EPB41L2: variants seen among roughly 807,000 people sequenced by gnomAD.
EPB41L2 encodes band 4.1-like protein 2.
A neutral mutation model predicts 113.0 loss-of-function variants in EPB41L2; 43 were observed. That is an observed-to-expected ratio of 0.38 (90% CI 0.30 to 0.49). EPB41L2 has a LOEUF of 0.49. Among genes scored for constraint, EPB41L2 ranks in the 20% least tolerant of loss-of-function variants. EPB41L2 has a pLI of 0.95. For synonymous variants in EPB41L2, 442 were observed against 436.7 expected, an observed-to-expected ratio of 1.01 and a Z score of -0.15; for missense variants, 1,147 against 1,223.4, an observed-to-expected ratio of 0.94 and a Z score of 0.93.
chr6:131,003,871 T>C lies in EPB41L2; in HGVS notation c.-14-47372A>G, dbSNP rs376352351. Among the ~76,000 whole-genome samples the C allele has an allele frequency of 1.5e-4, 23 of 152,350 alleles. No individual in the cohort carries two copies. The East Asian group carries it at 3.3e-3, about 22-fold the overall frequency. On this transcript the variant is annotated intron_variant, in intron 1 of 19. Transcript: ENST00000337057. The stretch of plus-strand genomic sequence containing the variant: ...GTGGAGGTGATGTCATTACCAGCCA[T>C]GGGTCTGAACTGTCCCTGGAATGCA...
rs757701431 is a variant in EPB41L2, at chr6:130,856,280, A to G, written c.*5+1851T>C. Among the ~76,000 whole-genome samples, 45 of 152,364 alleles carry G rather than the reference A, an allele frequency of 3.0e-4. 1 individual carries two copies. Among genetic ancestry groups the G allele is most frequent in the Admixed American group, 5.2e-4 (8 of 15,304 alleles). On this transcript the variant is annotated intron_variant, in intron 19 of 19. Transcript: ENST00000337057. ...CCTATTCAACTATTTTAATAATGAA[A>G]GACAAACCACAAGCCTGAAGATATT... is the stretch of plus-strand genomic sequence containing the variant.
At chr6:130,978,211 T>G (rs1219577529) in intron 1 of EPB41L2, among the ~76,000 whole-genome samples, 3 of 152,228 alleles carry the variant, frequency 2.0e-5, no homozygotes, top group Admixed American at 1.3e-4. Flanking sequence ...TTGTATAAAG[T>G]TGAATGCTGC....
chr6:130,923,768 G>T (rs17059825), intron 4 of EPB41L2, among the ~76,000 whole-genome samples: 1 of 152,190 alleles, frequency 6.6e-6, no homozygotes, highest in Non-Finnish European at 1.5e-5. Context: ...CACCGTTTAC[G>T]GTTAGAGCCT....
chr6:130,901,036 G>A lies in EPB41L2; in HGVS notation c.1074C>T (p.Leu358=), dbSNP rs752855779. 6.2e-7 allele frequency: 1 copy of A among 1,614,130 alleles called. No individual in the cohort carries two copies. The highest frequency in any genetic ancestry group is 8.5e-7 in the Non-Finnish European group (1 of 1,180,014). ...YDPEEHGSID[L]SEFQFAPTQT... ...GAGTAGGGGCAAACTGGAATTCACT[G>A]AGGTCGATGCTGCCATGTTCTTCTG... is the stretch of plus-strand genomic sequence containing the variant. The change falls in exon 7 of 20, where the codon CTC becomes CTT. Residue 358 remains leucine, a synonymous_variant. Coordinates refer to ENST00000337057, the MANE Select transcript of EPB41L2 (RefSeq NM_001431.4).
At chr6:130,944,104 C>T (rs1811848677) in intron 3 of EPB41L2, among the ~76,000 whole-genome samples, 1 of 149,948 alleles carries the variant, frequency 6.7e-6, no homozygotes, top group African/African-American at 2.5e-5. Context: ...AAAAGCAGGG[C>T]AATAATGGAC....
intron 1 of EPB41L2, among the ~76,000 whole-genome samples, chr6:131,006,480 G>A (rs1307839899): frequency 6.6e-6 from 1 of 151,544 alleles, no homozygotes; most frequent in Non-Finnish European, 1.5e-5. Flanking sequence ...TAGTCAACAC[G>A]ACAAAACCCC....
At chr6:130,858,342 A>C in intron 18 of EPB41L2, 99 bp from the exon 19 acceptor site, 18 of 825,250 alleles carry the variant, frequency 2.2e-5, no homozygotes, top group Non-Finnish European at 3.2e-5. Context: ...ACCCAACCTC[A>C]AGCCAAGAGG....
intron 3 of EPB41L2, among the ~76,000 whole-genome samples, chr6:130,931,224 AAATT>A (rs916211659): frequency 6.6e-6 from 1 of 152,186 alleles, no homozygotes; most frequent in African/African-American, 2.4e-5. Context: ...AAAATTAATA[AAATT>A]TATTAATCTA....
chr6:130,968,421 T>A (rs1584080626), intron 1 of EPB41L2, among the ~76,000 whole-genome samples: 1 of 152,200 alleles, frequency 6.6e-6, no homozygotes. Flanking sequence ...CATAAAAAAA[T>A]ATAATTCACT....
chr6:131,003,405 C>T (rs1429673049), intron 1 of EPB41L2, among the ~76,000 whole-genome samples: 1 of 152,166 alleles, frequency 6.6e-6, no homozygotes, highest in Non-Finnish European at 1.5e-5. Flanking sequence ...AGATCCAATC[C>T]TTTGAATCCA....
chr6:131,022,403 T>C lies in EPB41L2; in HGVS notation c.-15+40752A>G, dbSNP rs374634962. 9.4e-4 allele frequency among the ~76,000 whole-genome samples: 143 copies of C among 152,320 alleles called. 3 individuals carry two copies. In the Middle Eastern group the frequency reaches 0.02, roughly 22 times the overall value. ...CTCCTAGTTATCTATAGGAGCTATC[T>C]ATCTCCTATATATAGATAACCCTCC... On this transcript the variant is annotated intron_variant, in intron 1 of 19. Transcript: ENST00000337057.
At chr6:130,946,276 C>A (rs913585575) in intron 3 of EPB41L2, among the ~76,000 whole-genome samples, 1 of 151,902 alleles carries the variant, frequency 6.6e-6, no homozygotes, top group Admixed American at 6.6e-5. Flanking sequence ...TTACATAAGC[C>A]AAAAATAACA....
chr6:130,840,497 G>A lies in EPB41L2; in HGVS notation c.*107C>T, dbSNP rs1775118451. 6.6e-6 allele frequency: 1 copy of A among 151,598 alleles called. No individual in the cohort carries two copies. The highest frequency in any genetic ancestry group is 6.6e-5 in the Admixed American group (1 of 15,180). The allele number at this position is 151,598 out of a possible 1,614,324, so 9.4% of individuals were successfully genotyped here. ...AGGCTTCTGGTCATTGTTACCAGTT[G>A]TAGCATAAATTCGCTGGAATAGTGG... On this transcript the variant is annotated 3_prime_UTR_variant, in exon 20 of 20. Transcript: ENST00000337057.
intron 1 of EPB41L2, among the ~76,000 whole-genome samples, chr6:131,052,096 C>T (rs1476284966): frequency 6.6e-6 from 1 of 152,042 alleles, no homozygotes; most frequent in East Asian, 1.9e-4. Flanking sequence ...ACCACCACAC[C>T]CAGCTGATTT....
chr6:131,053,434 T>TA (rs71030727), intron 1 of EPB41L2, among the ~76,000 whole-genome samples: 6,977 of 88,766 alleles, frequency 0.079, 358 homozygotes, highest in African/African-American at 0.16. Context: ...ATGGAAATGA[T>TA]AAAAAAAAAA....
rs2128462201 is a variant in EPB41L2, at chr6:130,878,223, G to A, written c.1924C>T (p.Leu642=). 6.2e-7 allele frequency: 1 copy of A among 1,612,766 alleles called. No individual in the cohort carries two copies. Among genetic ancestry groups the A allele is most frequent in the Non-Finnish European group, 8.5e-7 (1 of 1,179,548 alleles). Residue 642 remains leucine (L), a synonymous_variant, in exon 14 of 20, where the codon CTG becomes TTG. Transcript: ENST00000337057. ...TCACTAATGCTAGCCTGATGTTTCAGTATGTCCTCCTGGGCCTTATCCAGT... is the reference window on the plus strand; with the variant it reads ...TCACTAATGCTAGCCTGATGTTTCAATATGTCCTCCTGGGCCTTATCCAGT... The part of the protein sequence containing the change: ...EELDKAQEDI[L]KHQASISELK...
At chr6:130,962,821 C>T (rs576125554) in intron 1 of EPB41L2, among the ~76,000 whole-genome samples, 1 of 152,208 alleles carries the variant, frequency 6.6e-6, no homozygotes, top group East Asian at 1.9e-4. Flanking sequence ...GAGGCTAGCT[C>T]CAGATTGGCC....
At chr6:131,035,645 G>A (rs1219141790) in intron 1 of EPB41L2, among the ~76,000 whole-genome samples, 4 of 152,172 alleles carry the variant, frequency 2.6e-5, no homozygotes, top group Admixed American at 6.5e-5. Context: ...TTACAATACA[G>A]GGTATTGAGT....
At chr6:130,932,002 T>A (rs1349069209) in intron 3 of EPB41L2, among the ~76,000 whole-genome samples, 4 of 152,196 alleles carry the variant, frequency 2.6e-5, no homozygotes, top group African/African-American at 7.2e-5. Context: ...GATAATTAAA[T>A]GAAGTATGTT....
Sources: allele counts gnomAD v4.1 joint callset (sites outside exome capture counted in the v4.1 genomes callset), GRCh38; gene constraint gnomAD v4.1.1; transcripts MANE v1.5; gene names NCBI Gene and HGNC (gene_info 2026-07-23, HGNC 2026-07-21).